Variants in CCDC167 observed in about 807,000 individuals in gnomAD.
CCDC167 encodes the protein coiled-coil domain-containing protein 167.
A neutral mutation model predicts 12.7 loss-of-function variants in CCDC167; 15 were observed. The ratio of observed to expected loss-of-function variants is 1.18; its 90% confidence interval spans 0.79 to 1.81. The LOEUF (loss-of-function observed/expected upper bound fraction) is 1.81, where lower values mean the gene tolerates loss of function less well. CCDC167 is among the 40% of genes most tolerant of loss of function. The pLI is 0.00. For missense variants in CCDC167, 121 were observed against 120.1 expected (o/e 1.01, Z -0.03); for synonymous variants, 52 against 49.0 (o/e 1.06, Z -0.26).
Position 37,485,103 on chromosome 6 carries a change from G to A in CCDC167, c.134C>T (p.Ala45Val). ...GGTGGCTGGGCAGGAGCATTACCTG[G>A]CCTCTGGGCTCAGCTCCCGGCTGTG... The part of the protein sequence containing the change: ...RLHSRELSPE[A>V]RRSLEKEKNS... Residue 45 changes from alanine (A) to valine (V), a missense_variant, in exon 2 of 4, where the codon GCC becomes GTC. Coordinates refer to ENST00000373408, the MANE Select transcript of CCDC167 (RefSeq NM_138493.3). The A allele has an allele frequency of 6.2e-7, 1 of 1,611,480 alleles. No individual in the cohort carries two copies. Among genetic ancestry groups the A allele is most frequent in the Non-Finnish European group, 8.5e-7 (1 of 1,179,398 alleles).
chr6:37,497,962 T>C (rs1005887271), intron 1 of CCDC167, among the ~76,000 whole-genome samples: 18 of 152,128 alleles, frequency 1.2e-4, no homozygotes, highest in African/African-American at 4.1e-4. Flanking sequence ...TTGTTTACAG[T>C]AGGACAGCTG....
intron 1 of CCDC167, among the ~76,000 whole-genome samples, chr6:37,486,758 AG>A (rs1297240904): frequency 6.6e-6 from 1 of 152,230 alleles, no homozygotes; most frequent in Non-Finnish European, 1.5e-5. Flanking sequence ...GGGAGGCCAA[AG>A]GCCTACCTAG....
chr6:37,499,568 T>G (rs1762138332), intron 1 of CCDC167, among the ~76,000 whole-genome samples: 1 of 152,046 alleles, frequency 6.6e-6, no homozygotes, highest in African/African-American at 2.4e-5. Context: ...GGGCTCCCCT[T>G]CACTTCCATG....
At chr6:37,483,743 G>C (rs1453822110) in intron 3 of CCDC167, among the ~76,000 whole-genome samples, 1 of 152,226 alleles carries the variant, frequency 6.6e-6, no homozygotes, top group Non-Finnish European at 1.5e-5. Context: ...GCTAGGTGGG[G>C]CCACGTGTTT....
At chr6:37,499,442 C>T (rs546113343) in intron 1 of CCDC167, among the ~76,000 whole-genome samples, 1 of 152,278 alleles carries the variant, frequency 6.6e-6, no homozygotes, top group East Asian at 1.9e-4. Flanking sequence ...TTTGGGAGTT[C>T]TCCTTAGATT....
At position 37,484,962 on chromosome 6, in the gene CCDC167, G is replaced by A. The variant is rs549465032; in HGVS notation, c.138-100C>T. On this transcript the variant is annotated intron_variant, in intron 2 of 3. Coordinates refer to ENST00000373408, the MANE Select transcript of CCDC167 (RefSeq NM_138493.3). ...TGGCAGGGCTTGGGTCTTGTTCGGC[G>A]GCAGGGGGGGTGTGCACTGAAGCTA... The A allele has an allele frequency of 2.3e-4, 345 of 1,498,542 alleles. No individual in the cohort carries two copies. The African/African-American group carries it at 3.6e-3, about 15-fold the overall frequency. 92.8% of individuals were successfully genotyped at this position (1,498,542 alleles called of 1,614,324 possible). A position where few individuals can be genotyped will look rare whatever the true frequency, so the allele number is the denominator to read the frequency against.
chr6:37,483,859 GTCCTGC>G (rs1248343818), intron 3 of CCDC167, among the ~76,000 whole-genome samples: 9 of 152,210 alleles, frequency 5.9e-5, no homozygotes, highest in Non-Finnish European at 1.2e-4. Context: ...GAGGAAATCA[GTCCTGC>G]TGCTCTATGG....
chr6:37,483,610 C>T (rs1043179236), intron 3 of CCDC167, among the ~76,000 whole-genome samples: 1 of 152,152 alleles, frequency 6.6e-6, no homozygotes, highest in Non-Finnish European at 1.5e-5. Context: ...GTGGTGTGAC[C>T]GCCAGGTGAG....
At chr6:37,494,056 CTTTTTTTT>C (rs70977666) in intron 1 of CCDC167, among the ~76,000 whole-genome samples, 15,785 of 91,388 alleles carry the variant, frequency 0.17, 1,115 homozygotes, top group Admixed American at 0.28. Flanking sequence ...GTGATCCTGC[CTTTTTTTT>C]TTTTTTTTTT....
intron 1 of CCDC167, among the ~76,000 whole-genome samples, chr6:37,491,666 AAGC>A (rs748106991): frequency 5.3e-5 from 8 of 152,316 alleles, no homozygotes; most frequent in Non-Finnish European, 1.2e-4. Context: ...GCATGAGTGT[AAGC>A]AGCCTCTGGA....
chr6:37,497,780 G>C (rs1047864931), intron 1 of CCDC167, among the ~76,000 whole-genome samples: 3 of 152,120 alleles, frequency 2.0e-5, no homozygotes, highest in Non-Finnish European at 4.4e-5. Context: ...GTGAACACTT[G>C]AATGGGAGGT....
intron 1 of CCDC167, among the ~76,000 whole-genome samples, chr6:37,492,269 A>T (rs1762032179): frequency 6.6e-6 from 1 of 152,224 alleles, no homozygotes; most frequent in South Asian, 2.1e-4. Context: ...AGTTCTGCAG[A>T]ACAGTCATTC....
intron 1 of CCDC167, among the ~76,000 whole-genome samples, chr6:37,492,268 G>A (rs1762032149): frequency 6.6e-6 from 1 of 152,230 alleles, no homozygotes; most frequent in Non-Finnish European, 1.5e-5. Context: ...GAGTTCTGCA[G>A]AACAGTCATT....
Position 37,483,189 on chromosome 6 carries a change from C to A in CCDC167, c.291G>T (p.Met97Ile). Residue 97 changes from methionine to isoleucine, a missense_variant, in exon 4 of 4, where the codon ATG becomes ATT. Coordinates refer to ENST00000373408, the MANE Select transcript of CCDC167 (RefSeq NM_138493.3). Reference sequence around the variant, plus strand: ...TGGTTGTGGGGAAGTGCCAGGCTCACATGGTCCAGTAGGCATAGACGAGCG... The same window carrying A: ...TGGTTGTGGGGAAGTGCCAGGCTCAAATGGTCCAGTAGGCATAGACGAGCG... ...LLTLVYAYWTM is the reference protein window; with the variant it reads ...LLTLVYAYWTI 1 of 1,612,344 alleles carries A rather than the reference C, an allele frequency of 6.2e-7. No homozygotes were observed. The highest frequency in any genetic ancestry group is 8.5e-7 in the Non-Finnish European group (1 of 1,178,384).
At chr6:37,495,513 C>A (rs990671253) in intron 1 of CCDC167, among the ~76,000 whole-genome samples, 14 of 152,192 alleles carry the variant, frequency 9.2e-5, no homozygotes, top group Non-Finnish European at 1.6e-4. Flanking sequence ...CTATAATTTT[C>A]TTTTCTTATT....
chr6:37,483,638 G>C (rs781093431), intron 3 of CCDC167, among the ~76,000 whole-genome samples: 7 of 152,168 alleles, frequency 4.6e-5, no homozygotes, highest in Non-Finnish European at 1.0e-4. Flanking sequence ...GCCTGTCATG[G>C]GGTTGGCTGT....
At chr6:37,483,920 G>C (rs904251) in intron 3 of CCDC167, among the ~76,000 whole-genome samples, 1 of 152,048 alleles carries the variant, frequency 6.6e-6, no homozygotes, top group African/African-American at 2.4e-5. Flanking sequence ...ACGCAGGTAG[G>C]GGGTACTCTG....
At chr6:37,490,842 C>T (rs1762010276) in intron 1 of CCDC167, among the ~76,000 whole-genome samples, 1 of 152,082 alleles carries the variant, frequency 6.6e-6, no homozygotes, top group African/African-American at 2.4e-5. Context: ...CTGCAGCCTC[C>T]CTGAGAGCCC....
chr6:37,494,528 C>T (rs1762073005), intron 1 of CCDC167, among the ~76,000 whole-genome samples: 1 of 152,212 alleles, frequency 6.6e-6, no homozygotes. Flanking sequence ...TCAGCAGATG[C>T]TCTCCCAACC....
Sources: allele counts gnomAD v4.1 joint callset (sites outside exome capture counted in the v4.1 genomes callset), GRCh38; gene constraint gnomAD v4.1.1; transcripts MANE v1.5; gene names NCBI Gene and HGNC (gene_info 2026-07-23, HGNC 2026-07-21).